Variants in PRSS23 observed in about 807,000 individuals in gnomAD.
PRSS23 encodes the protein serine protease 23.
In PRSS23, 25 loss-of-function variants were observed where a neutral mutation model predicts 34.7. The observed-to-expected ratio is 0.72, with a 90% CI of 0.53 to 1.01. The LOEUF is 1.01. Among genes scored for constraint, PRSS23 ranks in the 50% least tolerant of loss-of-function variants. PRSS23 has a pLI of 0.00. For synonymous variants in PRSS23, 176 were observed against 186.6 expected (o/e 0.94, Z 0.46); for missense variants, 445 against 475.6 (o/e 0.94, Z 0.60).
chr11:86,867,608 A>G (rs1002808991), intron 2 of PRSS23, among the ~76,000 whole-genome samples: 1 of 152,208 alleles, frequency 6.6e-6, no homozygotes, highest in African/African-American at 2.4e-5. Flanking sequence ...AGCCAGGCAC[A>G]GTGGCTCATG....
chr11:86,868,902 C>T (rs748047440), intron 2 of PRSS23, among the ~76,000 whole-genome samples: 8 of 152,168 alleles, frequency 5.3e-5, no homozygotes, highest in Non-Finnish European at 1.2e-4. Context: ...GCCTCAACCT[C>T]CCAGGCTCAG....
chr11:86,843,048 G>T (rs1387277311), intron 2 of PRSS23, among the ~76,000 whole-genome samples: 2 of 152,266 alleles, frequency 1.3e-5, no homozygotes, highest in Middle Eastern at 3.4e-3. Context: ...AACCAAAACA[G>T]CATGGTACTG....
rs369692019 is a variant in PRSS23 at position 86,913,120 on chromosome 11, G to A, written c.207-38096G>A. 6.6e-5 allele frequency among the ~76,000 whole-genome samples: 10 copies of A among 152,060 alleles called. No individual in the cohort carries two copies. The East Asian group carries it at 1.9e-3, about 30-fold the overall frequency. On this transcript the variant is annotated intron_variant, in intron 2 of 2. Transcript: ENST00000533902. The stretch of plus-strand genomic sequence containing the variant: ...TAAAATTTTGGGCTCCCTTTCCATT[G>A]TTTTATCCTTTCTTGGATCCTCCTG...
intron 2 of PRSS23, among the ~76,000 whole-genome samples, chr11:86,856,705 C>G (rs910856638): frequency 3.3e-5 from 5 of 152,186 alleles, no homozygotes; most frequent in African/African-American, 1.2e-4. Flanking sequence ...ACATGCTGCA[C>G]ATTGTTTCCA....
At chr11:86,863,709 A>G (rs1948631119) in intron 2 of PRSS23, among the ~76,000 whole-genome samples, 1 of 152,208 alleles carries the variant, frequency 6.6e-6, no homozygotes, top group Admixed American at 6.5e-5. Context: ...TCTCTTCTCC[A>G]GAATCCCTTC....
intron 2 of PRSS23, among the ~76,000 whole-genome samples, chr11:86,849,167 GCCC>G (rs1351416444): frequency 6.6e-6 from 1 of 152,096 alleles, no homozygotes; most frequent in Non-Finnish European, 1.5e-5. Context: ...CTAAACACTG[GCCC>G]AGCTTTCTCA....
chr11:86,873,189 CAT>C lies in PRSS23; in HGVS notation c.206+49604_206+49605del, dbSNP rs1284083832. The stretch of plus-strand genomic sequence containing the variant: ...GCACACACAGGAAATTATATATATA[CAT>C]ATATATACACACACACACACACACA... On this transcript the variant is annotated intron_variant, in intron 2 of 2. Transcript: ENST00000533902. Among the ~76,000 whole-genome samples the C allele has an allele frequency of 1.3e-4, 18 of 140,928 alleles. No homozygotes were observed. The East Asian group carries it at 2.0e-3, about 16-fold the overall frequency. 92.5% of individuals were successfully genotyped at this position (140,928 alleles called of 152,430 possible).
intron 1 of PRSS23, among the ~76,000 whole-genome samples, chr11:86,803,629 C>T (rs1370887730): frequency 6.6e-6 from 1 of 152,100 alleles, no homozygotes; most frequent in South Asian, 2.1e-4. Flanking sequence ...CAGGAAAGAC[C>T]CTTAATGGAC....
intron 2 of PRSS23, among the ~76,000 whole-genome samples, chr11:86,850,629 C>T (rs1264271523): frequency 6.6e-6 from 1 of 152,120 alleles, no homozygotes; most frequent in Non-Finnish European, 1.5e-5. Context: ...CTGTAAGTAT[C>T]CCTGTGTCCT....
intron 1 of PRSS23, among the ~76,000 whole-genome samples, chr11:86,801,398 T>TTCCAGCACCTC (rs1388045011): frequency 6.6e-6 from 1 of 152,240 alleles, no homozygotes; most frequent in Non-Finnish European, 1.5e-5. Flanking sequence ...TAGGTTTGCT[T>TTCCAGCACCTC]TCCAGCACCT....
At chr11:86,920,080 C>T (rs1949038162) in intron 2 of PRSS23, among the ~76,000 whole-genome samples, 1 of 152,146 alleles carries the variant, frequency 6.6e-6, no homozygotes, top group Non-Finnish European at 1.5e-5. Context: ...GTATCAGCCC[C>T]AGGTGTTTTT....
intron 2 of PRSS23, chr11:86,950,191 G>A (rs1949277801): frequency 6.6e-6 from 1 of 152,590 alleles, no homozygotes; most frequent in African/African-American, 2.4e-5. Context: ...TTCCAGACTG[G>A]CGTCTGCATA....
intron 2 of PRSS23, among the ~76,000 whole-genome samples, chr11:86,920,221 G>A (rs1024497126): frequency 1.1e-4 from 16 of 152,162 alleles, no homozygotes; most frequent in African/African-American, 3.9e-4. Context: ...CTATGCCATA[G>A]TTTTTCCATT....
At chr11:86,885,549 C>T (rs1452156539) in intron 2 of PRSS23, among the ~76,000 whole-genome samples, 7 of 152,216 alleles carry the variant, frequency 4.6e-5, no homozygotes, top group African/African-American at 1.7e-4. Context: ...GGGCTTCATC[C>T]AGTCAGTTGA....
chr11:86,918,868 G>A (rs188772813), intron 2 of PRSS23, among the ~76,000 whole-genome samples: 1 of 152,264 alleles, frequency 6.6e-6, no homozygotes, highest in East Asian at 1.9e-4. Context: ...AAACAACAAA[G>A]CTCTTTGAAT....
chr11:86,800,898 G>T (rs1948028738), intron 1 of PRSS23, among the ~76,000 whole-genome samples: 1 of 152,264 alleles, frequency 6.6e-6, no homozygotes, highest in Non-Finnish European at 1.5e-5. Context: ...AAACGGATGG[G>T]GAAAGAAGAT....
intron 1 of PRSS23, among the ~76,000 whole-genome samples, chr11:86,794,556 C>T (rs929719361): frequency 6.6e-6 from 1 of 152,084 alleles, no homozygotes; most frequent in African/African-American, 2.4e-5. Context: ...GACAATTTAA[C>T]CCTACAATAA....
intron 2 of PRSS23, among the ~76,000 whole-genome samples, chr11:86,853,132 G>T (rs976215524): frequency 1.3e-5 from 2 of 151,504 alleles, no homozygotes; most frequent in Non-Finnish European, 2.9e-5. Flanking sequence ...GGGGTTACAG[G>T]TGCGAGCCAC....
At chr11:86,940,820 G>GT (rs1364765320) in intron 2 of PRSS23, 20 of 152,176 alleles carry the variant, frequency 1.3e-4, no homozygotes, top group African/African-American at 4.8e-4. Flanking sequence ...GACTGACCAT[G>GT]TACTGTACTT....
Sources: gnomAD v4.1 joint callset for allele counts (sites outside exome capture counted in the v4.1 genomes callset) on GRCh38, gnomAD v4.1.1 for gene constraint, MANE v1.5 for transcripts, NCBI Gene and HGNC (gene_info 2026-07-23, HGNC 2026-07-21) for gene names.